Variants in NRDC observed in about 807,000 individuals in gnomAD.
NRDC encodes nardilysin.
A neutral mutation model predicts 147.1 loss-of-function variants in NRDC; 54 were observed. The ratio of observed to expected loss-of-function variants is 0.37; its 90% CI spans 0.29 to 0.46. The LOEUF (loss-of-function observed/expected upper bound fraction) is 0.46. Among genes scored for constraint, NRDC ranks in the 20% least tolerant of loss-of-function variants. NRDC has a pLI of 1.00. For synonymous variants in NRDC, 440 were observed against 482.1 expected, an observed-to-expected ratio of 0.91 and a Z score of 1.14; for missense variants, 1,082 against 1,370.6, an observed-to-expected ratio of 0.79 and a Z score of 3.33.
intron 4 of NRDC, among the ~76,000 whole-genome samples, chr1:51,830,865 T>C (rs1680676620): frequency 6.6e-6 from 1 of 152,200 alleles, no homozygotes. Flanking sequence ...TTATAAACAA[T>C]GTGGCCTGTG....
At chr1:51,869,667 A>C (rs1682988848) in intron 1 of NRDC, among the ~76,000 whole-genome samples, 1 of 152,222 alleles carries the variant, frequency 6.6e-6, no homozygotes, top group Non-Finnish European at 1.5e-5. Flanking sequence ...AATGGAAAAT[A>C]AAGTTGTACC....
At chr1:51,807,796 CT>C (rs35756457) in intron 17 of NRDC, among the ~76,000 whole-genome samples, 24,090 of 127,318 alleles carry the variant, frequency 0.19, 2,293 homozygotes, top group African/African-American at 0.37. Context: ...ATAATTAATA[CT>C]TTTTTTTTTT....
At chr1:51,865,500 A>C (rs1212081692) in intron 1 of NRDC, among the ~76,000 whole-genome samples, 1 of 151,840 alleles carries the variant, frequency 6.6e-6, no homozygotes, top group African/African-American at 2.4e-5. Flanking sequence ...ATGGGGTTTC[A>C]CCATGTTGGC....
intron 8 of NRDC, among the ~76,000 whole-genome samples, chr1:51,820,468 C>T (rs181522313): frequency 2.8e-4 from 43 of 152,046 alleles, no homozygotes; most frequent in Non-Finnish European, 5.2e-4. Flanking sequence ...TTTTTTAATG[C>T]TCATCAGGGA....
chr1:51,834,201 A>G lies in NRDC; in HGVS notation c.713-31T>C, dbSNP rs1426161660. Reference sequence around the variant, plus strand: ...TGGAAAGAACACAAAGTCACACAACACAAAGATATAGAAAATATTTTTATC... The same window carrying G: ...TGGAAAGAACACAAAGTCACACAACGCAAAGATATAGAAAATATTTTTATC... On this transcript the variant is annotated intron_variant, in intron 3 of 30. Transcript: ENST00000352171. The G allele has an allele frequency of 5.6e-6, 9 of 1,607,700 alleles. No individual in the cohort carries two copies. The South Asian group carries it at 7.7e-5, about 14-fold the overall frequency.
At chr1:51,868,279 G>A (rs765456869) in intron 1 of NRDC, among the ~76,000 whole-genome samples, 2 of 152,096 alleles carry the variant, frequency 1.3e-5, no homozygotes, top group Admixed American at 6.5e-5. Flanking sequence ...ACTACATGTG[G>A]GAAGGGACGA....
At chr1:51,847,432 G>C (rs937177528) in intron 1 of NRDC, among the ~76,000 whole-genome samples, 1 of 152,248 alleles carries the variant, frequency 6.6e-6, no homozygotes, top group African/African-American at 2.4e-5. Flanking sequence ...AGCAGGGGGC[G>C]GCGCTCGTTG....
At position 51,790,513 on chromosome 1, in the gene NRDC, T is replaced by C; in HGVS notation, c.3168+20A>G. ...GAACCTTGACCAGTTTGAGCTGTCT[T>C]ACTCTGAAAACCATGTTACCTCGTG... On this transcript the variant is annotated intron_variant, in intron 29 of 30. Coordinates refer to ENST00000352171, the MANE Select transcript of NRDC (RefSeq NM_001101662.2). 4 of 1,500,596 alleles carry C rather than the reference T, an allele frequency of 2.7e-6. No homozygotes were observed. The highest frequency in any genetic ancestry group is 3.7e-6 in the Non-Finnish European group (4 of 1,076,972). 93.0% of individuals were successfully genotyped at this position (1,500,596 alleles called of 1,614,324 possible). A position where few individuals can be genotyped will look rare whatever the true frequency, so the allele number is the denominator to read the frequency against.
At chr1:51,811,557 C>G (rs932256600) in intron 15 of NRDC, among the ~76,000 whole-genome samples, 1 of 152,144 alleles carries the variant, frequency 6.6e-6, no homozygotes, top group Non-Finnish European at 1.5e-5. Context: ...GTAACATTAT[C>G]CCTAAGTCAT....
rs200248005 is a variant in NRDC at position 51,823,773 on chromosome 1, C to T, written c.1050G>A (p.Thr350=). 37 of 1,598,730 alleles carry T rather than the reference C, an allele frequency of 2.3e-5. No individual in the cohort carries two copies. The highest frequency in any genetic ancestry group is 1.9e-4 in the African/African-American group (14 of 74,468). The change falls in exon 7 of 31, where the codon ACG becomes ACA. Residue 350 remains threonine (T), a synonymous_variant. Transcript: ENST00000352171. ...TATTCTTTCTTGGCTCATGCTTGAG[C>T]GTCTCAGCATTTCCTATAAAAGAAT... ...MGKFFWGNAE[T]LKHEPRKNNI... is the part of the protein sequence containing the mutation.
At chr1:51,798,630 G>T in intron 21 of NRDC, 1 of 433,736 alleles carries the variant, frequency 2.3e-6, no homozygotes, top group Non-Finnish European at 4.1e-6. Flanking sequence ...GTACAAAAAT[G>T]CACTTACCTG....
At chr1:51,795,157 T>G (rs1374489587) in intron 22 of NRDC, 2 of 1,370,150 alleles carry the variant, frequency 1.5e-6, no homozygotes, top group African/African-American at 2.9e-5. Context: ...GGCTGTGGCC[T>G]TTATGACAAC....
At chr1:51,852,426 T>C (rs1681999570) in intron 1 of NRDC, among the ~76,000 whole-genome samples, 1 of 140,036 alleles carries the variant, frequency 7.1e-6, no homozygotes, top group African/African-American at 2.7e-5. Context: ...GCCATATTTG[T>C]GTATGTATAT....
chr1:51,842,437 T>C (rs1278872940), intron 1 of NRDC, among the ~76,000 whole-genome samples: 1 of 152,092 alleles, frequency 6.6e-6, no homozygotes, highest in Non-Finnish European at 1.5e-5. Flanking sequence ...TTCAGATCAA[T>C]AAATAAGAGC....
chr1:51,790,430 C>T lies in NRDC; in HGVS notation c.3168+103G>A, dbSNP rs143906002. The T allele has an allele frequency of 2.3e-3, 1,757 of 780,114 alleles. 35 individuals carry two copies. In the East Asian group the frequency reaches 0.037, roughly 17 times the overall value. The allele number at this position is 780,114 out of a possible 1,614,324, so 48.3% of individuals were successfully genotyped here. On this transcript the variant is annotated intron_variant, in intron 29 of 30. Transcript: ENST00000352171. ...AGTAATCAGGCCAGGACTAGTGTTT[C>T]GAGTTTCTCTTCCACACAATGCTGG... is the stretch of plus-strand genomic sequence containing the variant.
rs1441444050 is a variant in NRDC at position 51,834,161 on chromosome 1, A to G, written c.722T>C (p.Met241Thr). 1 of 1,613,934 alleles carries G rather than the reference A, an allele frequency of 6.2e-7. No individual in the cohort carries two copies. Among genetic ancestry groups the G allele is most frequent in the Admixed American group, 1.7e-5 (1 of 60,006 alleles). Residue 241 changes from methionine (M) to threonine (T), a missense_variant, in exon 4 of 31, where the codon ATG becomes ACG. This residue lies in a region of NRDC where 635 missense variants were observed against 923.8 expected (regional missense o/e 0.69). Transcript: ENST00000352171. Reference sequence around the variant, plus strand: ...CTCATCTGGATATTTCAAACTACCCATGAATACCACTAAATGGAAAGAACA... The same window carrying G: ...CTCATCTGGATATTTCAAACTACCCGTGAATACCACTAAATGGAAAGAACA... ...LAHFLEHMVF[M>T]GSLKYPDENG...
At chr1:51,845,543 G>A (rs1335689304) in intron 1 of NRDC, among the ~76,000 whole-genome samples, 1 of 152,050 alleles carries the variant, frequency 6.6e-6, no homozygotes, top group Non-Finnish European at 1.5e-5. Flanking sequence ...CAGTGAGCCA[G>A]GATTGCACCA....
chr1:51,800,797 G>A (rs562393485), intron 20 of NRDC, 114 bp from the exon 21 acceptor site: 29 of 1,003,992 alleles, frequency 2.9e-5, no homozygotes, highest in East Asian at 2.2e-4. Context: ...TAGGCATTGT[G>A]GGGGGACATA....
intron 1 of NRDC, among the ~76,000 whole-genome samples, chr1:51,874,061 A>C (rs1683210740): frequency 6.7e-6 from 1 of 150,010 alleles, no homozygotes; most frequent in South Asian, 2.1e-4. Context: ...TTAGCCGGAC[A>C]TGGTGGGGCA....
Sources: gnomAD v4.1 joint callset for allele counts (sites outside exome capture counted in the v4.1 genomes callset) on GRCh38, gnomAD v4.1.1 for gene constraint, gnomAD v4.1.1 regional missense constraint, MANE v1.5 for transcripts, NCBI Gene and HGNC (gene_info 2026-07-23, HGNC 2026-07-21) for gene names.